The following SYNE3 variants were observed in gnomAD, a reference collection of about 807,000 sequenced individuals.
The protein encoded by SYNE3 is spectrin repeat containing nuclear envelope family member 3, also known as nesprin-3.
In SYNE3, 100 loss-of-function variants were observed where a neutral mutation model predicts 111.2. The ratio of observed to expected loss-of-function variants is 0.90; its 90% CI spans 0.77 to 1.06. The LOEUF (loss-of-function observed/expected upper bound fraction) is 1.06. SYNE3 is among the 50% of genes least tolerant of loss of function. The probability of loss-of-function intolerance (pLI) is 0.00; values close to 1 mark genes in which losing one functional copy is unlikely to be tolerated. For synonymous variants in SYNE3, 547 were observed against 533.9 expected, an observed-to-expected ratio of 1.02 and a Z score of -0.34; for missense variants, 1,160 against 1,240.3, an observed-to-expected ratio of 0.94 and a Z score of 0.97.
At position 95,436,944 on chromosome 14, in the gene SYNE3, T is replaced by C; in HGVS notation, c.2414A>G (p.Asp805Gly). The C allele has an allele frequency of 6.2e-7, 1 of 1,613,214 alleles. No individual in the cohort carries two copies. Among genetic ancestry groups the C allele is most frequent in the African/African-American group, 1.3e-5 (1 of 74,776 alleles). ...AAAGTTCCTCAGGAGCTGGGAGAAA[T>C]CTTCATGGCTCCCTTCTTCTTCCTG... ...LLQEEEGSHE[D>G]FSQLLRNFGQ... is the part of the protein sequence containing the mutation. Residue 805 changes from aspartate (D) to glycine (G), a missense_variant, in exon 15 of 18, where the codon GAT (aspartate) becomes GGT (glycine). Physicochemically the swap from Asp to Gly is moderately conservative, Grantham distance 94. Transcript: ENST00000682763.
chr14:95,457,099 A>G (rs1887495552), intron 5 of SYNE3, 78 bp downstream of exon 5: 1 of 1,487,808 alleles, frequency 6.7e-7, no homozygotes, highest in Non-Finnish European at 8.9e-7. Flanking sequence ...AAAAAAAAAA[A>G]AAAGGAACTA....
chr14:95,437,384 G>T (rs1163905849), intron 14 of SYNE3, among the ~76,000 whole-genome samples: 1 of 152,198 alleles, frequency 6.6e-6, no homozygotes, highest in African/African-American at 2.4e-5. Context: ...GGGAGTCTTG[G>T]TTCCACTGCG....
Position 95,466,253 on chromosome 14 carries a change from A to G in SYNE3, c.318-13T>C. ...CCACTCGATGCGGCTGTGGGCACAG[A>G]GACCTCAAGGTTGTGAGGGAACCAG... On this transcript the variant is annotated splice_polypyrimidine_tract_variant and intron_variant, in intron 3 of 17. Coordinates refer to ENST00000682763, the MANE Select transcript of SYNE3 (RefSeq NM_152592.6). 1 of 1,551,490 alleles carries G rather than the reference A, an allele frequency of 6.4e-7. No individual in the cohort carries two copies. Among genetic ancestry groups the G allele is most frequent in the Non-Finnish European group, 8.8e-7 (1 of 1,142,282 alleles).
chr14:95,470,792 T>A lies in SYNE3; in HGVS notation c.145-2825A>T, dbSNP rs910564253. Among the ~76,000 whole-genome samples, 2 of 152,060 alleles carry A rather than the reference T, an allele frequency of 1.3e-5. No individual in the cohort carries two copies. The highest frequency in any genetic ancestry group is 1.3e-4 in the Admixed American group (2 of 15,264). On this transcript the variant is annotated intron_variant, in intron 2 of 17. Coordinates refer to ENST00000682763, the MANE Select transcript of SYNE3 (RefSeq NM_152592.6). The surrounding 1 kb of genome is among the most constrained non-coding windows in gnomAD (Gnocchi z 4.2). ...GGCCAACATGGTGAAACACCGTCTC[T>A]ACTGAAAATACAAAAATTAGCCGGG... is the stretch of plus-strand genomic sequence containing the variant.
intron 1 of SYNE3, among the ~76,000 whole-genome samples, chr14:95,481,686 G>A (rs182086277): frequency 6.6e-6 from 1 of 152,228 alleles, no homozygotes; most frequent in African/African-American, 2.4e-5. Context: ...GTGACCCAGG[G>A]CAGAGCAGAG....
At chr14:95,481,822 G>A (rs17756201) in intron 1 of SYNE3, among the ~76,000 whole-genome samples, 4,290 of 152,344 alleles carry the variant, frequency 0.028, 86 homozygotes, top group Non-Finnish European at 0.04. Flanking sequence ...GCAATTGGCC[G>A]AGATGCAATT....
At position 95,500,893 on chromosome 14, in the gene SYNE3, G is replaced by C. The variant is rs1423466046; in HGVS notation, c.-15+15703C>G. Among the ~76,000 whole-genome samples the C allele has an allele frequency of 1.3e-5, 2 of 152,196 alleles. No homozygotes were observed. The highest frequency in any genetic ancestry group is 2.9e-5 in the Non-Finnish European group (2 of 68,020). ...GGGGATCGGGGGCGGTGAAGCGGGA[G>C]GGACACACGCTTGCTTCCCACACCA... On this transcript the variant is annotated intron_variant, in intron 1 of 17. Transcript: ENST00000682763. This position sits in a 1 kb window ranked among gnomAD's most constrained non-coding sequence, Gnocchi z 4.7.
chr14:95,512,574 T>G, intron 1 of SYNE3, among the ~76,000 whole-genome samples: 1 of 147,342 alleles, frequency 6.8e-6, no homozygotes, highest in African/African-American at 2.5e-5. Context: ...ATAAATAGGC[T>G]GGGCACGGTG....
Position 95,455,465 on chromosome 14 carries a change from A to G in SYNE3, c.1049T>C (p.Val350Ala). The G allele has an allele frequency of 6.2e-7, 1 of 1,612,712 alleles. No homozygotes were observed. The highest frequency in any genetic ancestry group is 1.3e-5 in the African/African-American group (1 of 75,044). Residue 350 changes from valine to alanine, a missense_variant, in exon 6 of 18, where the codon GTC becomes GCC. Physicochemically the swap from Val to Ala is moderately conservative, Grantham distance 64 (BLOSUM62 0). Transcript: ENST00000682763. ...LEAELSEFRM[V>A]LQRLAQEGLQ... ...GCCCTCCTGGGCCAGCCTCTGCAGG[A>G]CCATCCTGAACTCACTGAGCTCAGC...
chr14:95,452,198 T>TG, intron 7 of SYNE3, 49 bp downstream of exon 7: 1 of 1,481,626 alleles, frequency 6.7e-7, no homozygotes, highest in Non-Finnish European at 9.0e-7. Context: ...TGGGGAAATG[T>TG]GGGTTCCAGC....
chr14:95,468,167 C>T (rs1486157191), intron 2 of SYNE3, among the ~76,000 whole-genome samples, 200 bp from the exon 3 acceptor site: 6 of 152,324 alleles, frequency 3.9e-5, no homozygotes, highest in East Asian at 1.9e-4. Flanking sequence ...GGAGCAAAGG[C>T]GATTAGCATG....
intron 1 of SYNE3, among the ~76,000 whole-genome samples, chr14:95,491,698 C>T (rs1211089276): frequency 2.0e-5 from 3 of 147,162 alleles, no homozygotes; most frequent in Non-Finnish European, 4.5e-5. Context: ...AGCAAAGGCA[C>T]AGCAACAAAA....
At chr14:95,514,535 G>A (rs1890842581) in intron 1 of SYNE3, among the ~76,000 whole-genome samples, 1 of 152,238 alleles carries the variant, frequency 6.6e-6, no homozygotes, top group South Asian at 2.1e-4. Flanking sequence ...CATGTGCTGT[G>A]TCTGACACCA....
chr14:95,414,686 G>GAC lies in SYNE3; in HGVS notation c.*3138_*3139dup, dbSNP rs71132345. Reference sequence around the variant, plus strand: ...CTCCTTCCCTCCTCTCTCTCTCTCTGACACACACACACACACACACACACA... The same window carrying GAC: ...CTCCTTCCCTCCTCTCTCTCTCTCTGACACACACACACACACACACACACACA... On this transcript the variant is annotated 3_prime_UTR_variant, in exon 18 of 18. Transcript: ENST00000682763. The GAC allele has an allele frequency of 0.19, 24,598 of 127,760 alleles. 2,493 individuals carry two copies. The highest frequency in any genetic ancestry group is 0.23 in the Non-Finnish European group (14,051 of 59,924). The allele number at this position is 127,760 out of a possible 1,614,324, so 7.9% of individuals were successfully genotyped here.
rs376060946 is a variant in SYNE3, at chr14:95,455,518, G to C, written c.996C>G (p.Ala332=). The C allele has an allele frequency of 1.9e-6, 3 of 1,613,796 alleles. No individual in the cohort carries two copies. The highest frequency in any genetic ancestry group is 8.5e-7 in the Non-Finnish European group (1 of 1,179,998). ...RLRGLLRSRG[A]WEQQIKQLEA... is the part of the protein sequence containing the mutation. ...CCAGCTGCTTAATCTGCTGCTCCCA[G>C]GCTCCCCTGGACCGGAGCAGGCCCC... The change falls in exon 6 of 18, where the codon GCC becomes GCG. Residue 332 remains alanine, a synonymous_variant. Transcript: ENST00000682763.
intron 14 of SYNE3, among the ~76,000 whole-genome samples, chr14:95,437,207 A>G (rs947153272): frequency 6.6e-6 from 1 of 152,208 alleles, no homozygotes; most frequent in African/African-American, 2.4e-5. Context: ...GAGGTGACGG[A>G]AGCCACCACC....
chr14:95,441,076 C>A (rs1276394684), intron 11 of SYNE3, among the ~76,000 whole-genome samples: 1 of 152,198 alleles, frequency 6.6e-6, no homozygotes, highest in Admixed American at 6.5e-5. Context: ...CTTTACATAG[C>A]CTGCCATGAA....
chr14:95,489,146 C>CT (rs1889710001), intron 1 of SYNE3, among the ~76,000 whole-genome samples: 1 of 152,224 alleles, frequency 6.6e-6, no homozygotes, highest in African/African-American at 2.4e-5. Context: ...CTGCAGGCAA[C>CT]TCTCTGAGGA....
At chr14:95,474,222 G>T (rs1176451761) in intron 2 of SYNE3, among the ~76,000 whole-genome samples, 1 of 152,244 alleles carries the variant, frequency 6.6e-6, no homozygotes, top group African/African-American at 2.4e-5. Flanking sequence ...TGCAGATAGT[G>T]GGGGACTTTT....
Sources: gnomAD v4.1 joint callset for allele counts (sites outside exome capture counted in the v4.1 genomes callset) on GRCh38, gnomAD v4.1.1 for gene constraint, Gnocchi (gnomAD v3.1) non-coding constraint, MANE v1.5 for transcripts, NCBI Gene and HGNC (gene_info 2026-07-23, HGNC 2026-07-21) for gene names.